ZNF37A: variants seen among roughly 807,000 people sequenced by gnomAD.
ZNF37A encodes zinc finger protein 37A, also known as zinc finger protein 37a (KOX 21).
Under a neutral mutation model 12.3 loss-of-function variants are expected in ZNF37A, and 10 were observed. The observed-to-expected ratio is 0.82, with a 90% CI of 0.50 to 1.38. The LOEUF is 1.38. ZNF37A is among the 40% of genes most tolerant of loss of function. The probability of loss-of-function intolerance (pLI) is 0.00; values close to 1 mark genes in which losing one functional copy is unlikely to be tolerated. For synonymous variants in ZNF37A, 207 were observed against 223.0 expected, an observed-to-expected ratio of 0.93 and a Z score of 0.64; for missense variants, 580 against 651.2, an observed-to-expected ratio of 0.89 and a Z score of 1.19.
At position 38,121,799 on chromosome 10, in the gene ZNF37A, G is replaced by A. The variant is rs2136055655; in HGVS notation, c.*2962G>A. 6.6e-6 allele frequency: 1 copy of A among 152,214 alleles called. No homozygotes were observed. Among genetic ancestry groups the A allele is most frequent in the South Asian group, 2.1e-4 (1 of 4,818 alleles). The allele number at this position is 152,214 out of a possible 1,614,324, so 9.4% of individuals were successfully genotyped here. On this transcript the variant is annotated 3_prime_UTR_variant, in exon 8 of 8. Coordinates refer to ENST00000685332, the MANE Select transcript of ZNF37A (RefSeq NM_001324250.3). Reference sequence around the variant, plus strand: ...TCTACTGAGAGGACCTAAACACAATGACACCTCAGTAACAGTAAGCACACC... The same window carrying A: ...TCTACTGAGAGGACCTAAACACAATAACACCTCAGTAACAGTAAGCACACC...
At chr10:38,115,386 G>A (rs1362325928) in intron 7 of ZNF37A, 96 bp downstream of exon 7, 2 of 1,488,078 alleles carry the variant, frequency 1.3e-6, no homozygotes, top group African/African-American at 2.8e-5. Context: ...TAGGAATCAT[G>A]TTTTAGAGGC....
intron 5 of ZNF37A, among the ~76,000 whole-genome samples, chr10:38,105,233 G>A (rs528850603): frequency 5.3e-5 from 8 of 152,008 alleles, no homozygotes; most frequent in Admixed American, 2.0e-4. Context: ...TCGAACTCCC[G>A]ACCTCAGGTG....
At chr10:38,127,322 T>A (rs959436992), downstream of ZNF37A, among the ~76,000 whole-genome samples, 4 of 152,228 alleles carry the variant, frequency 2.6e-5, no homozygotes, top group African/African-American at 9.6e-5. Context: ...GAATGTCTGC[T>A]CTTTTCATCT....
At chr10:38,113,183 A>G (rs1471998411) in intron 5 of ZNF37A, among the ~76,000 whole-genome samples, 2 of 148,494 alleles carry the variant, frequency 1.3e-5, no homozygotes, top group Non-Finnish European at 3.0e-5. Flanking sequence ...TTAATTTTGG[A>G]ATGCTCTTTT....
chr10:38,112,778 T>TCTTGGTCATGG (rs1554929923), intron 5 of ZNF37A, among the ~76,000 whole-genome samples: 1 of 63,792 alleles, frequency 1.6e-5, no homozygotes, highest in Non-Finnish European at 3.4e-5. Context: ...TTCTTTTCTT[T>TCTTGGTCATGG]TCTTTTCTTT....
At chr10:38,115,322 G>C (rs372736793) in intron 7 of ZNF37A, 32 bp downstream of exon 7, 333 of 1,604,990 alleles carry the variant, frequency 2.1e-4, no homozygotes, top group Non-Finnish European at 2.8e-4. Flanking sequence ...GGAATTTAAA[G>C]GAAGGTAGAT....
chr10:38,105,851 GTA>G (rs1446999453), intron 5 of ZNF37A, among the ~76,000 whole-genome samples: 4 of 152,058 alleles, frequency 2.6e-5, no homozygotes, highest in African/African-American at 9.7e-5. Context: ...TGTTGATTTT[GTA>G]CTCTGCAACT....
At position 38,095,543 on chromosome 10, in the gene ZNF37A, G is replaced by A. The variant is rs2067082421; in HGVS notation, c.-192G>A. On this transcript the variant is annotated 5_prime_UTR_variant, in exon 3 of 8. Transcript: ENST00000685332. Reference sequence around the variant, plus strand: ...TCGTTACTCGCTCGTTCTAGATGCTGAGCTGCTGGCGCACTGCAGCACAAC... The same window carrying A: ...TCGTTACTCGCTCGTTCTAGATGCTAAGCTGCTGGCGCACTGCAGCACAAC... 6.6e-6 allele frequency: 1 copy of A among 152,254 alleles called. No homozygotes were observed. Among genetic ancestry groups the A allele is most frequent in the African/African-American group, 2.4e-5 (1 of 41,462 alleles). The allele number at this position is 152,254 out of a possible 1,614,324, so 9.4% of individuals were successfully genotyped here.
chr10:38,124,084 G>A lies in ZNF37A; in HGVS notation c.*5247G>A, dbSNP rs2069864274. ...GCCAAGATTTGGAAGCAACCTAAGT[G>A]TCTAACAGCAGATGAATGGATAAAT... On this transcript the variant is annotated 3_prime_UTR_variant, in exon 8 of 8. Transcript: ENST00000685332. 2 of 152,312 alleles carry A rather than the reference G, an allele frequency of 1.3e-5. No homozygotes were observed. Among genetic ancestry groups the A allele is most frequent in the Admixed American group, 1.3e-4 (2 of 15,292 alleles). 9.4% of individuals were successfully genotyped at this position (152,312 alleles called of 1,614,324 possible).
In ZNF37A at chr10:38,118,506, C is replaced by A. The variant is rs535666058; in HGVS notation, c.1355C>A (p.Ser452Tyr). ...IQCGKFFCYY[S>Y]GFTEHLRRHT... ...TGTGGAAAATTTTTCTGCTACTACT[C>A]CGGTTTCACAGAACATCTGAGAAGA... The change falls in exon 8 of 8, where the codon TCC becomes TAC. Residue 452 changes from serine (S) to tyrosine (Y), a missense_variant. By Grantham distance (144) the Ser-to-Tyr change is moderately radical. Transcript: ENST00000685332. 7 of 1,614,058 alleles carry A rather than the reference C, an allele frequency of 4.3e-6. No homozygotes were observed. Among genetic ancestry groups the A allele is most frequent in the East Asian group, 2.2e-5 (1 of 44,854 alleles).
At chr10:38,104,438 A>G (rs930143435) in intron 5 of ZNF37A, among the ~76,000 whole-genome samples, 2 of 151,942 alleles carry the variant, frequency 1.3e-5, no homozygotes, top group African/African-American at 4.8e-5. Flanking sequence ...AGAATTCTGA[A>G]AAGCTTGATG....
intron 5 of ZNF37A, among the ~76,000 whole-genome samples, chr10:38,101,383 G>A (rs1056471366): frequency 2.0e-5 from 3 of 150,416 alleles, no homozygotes; most frequent in Non-Finnish European, 4.4e-5. Context: ...TTTTCATGTG[G>A]CTATCCAGTT....
intron 5 of ZNF37A, among the ~76,000 whole-genome samples, chr10:38,103,646 A>G (rs766338323): frequency 2.0e-5 from 3 of 152,196 alleles, no homozygotes; most frequent in South Asian, 2.1e-4. Flanking sequence ...TTTGAATATT[A>G]AAATGTGCTA....
exon 8 of ZNF37A, chr10:38,146,818 T>C (rs1366963962): frequency 7.5e-6 from 3 of 398,190 alleles, no homozygotes; most frequent in Non-Finnish European, 1.3e-5. Flanking sequence ...CGAGCGGCAC[T>C]AGAGGAATGA....
intron 5 of ZNF37A, among the ~76,000 whole-genome samples, chr10:38,100,798 G>A (rs2067500882): frequency 6.6e-6 from 1 of 152,162 alleles, no homozygotes; most frequent in South Asian, 2.1e-4. Flanking sequence ...GAAATCACAA[G>A]GGTATTGATT....
chr10:38,102,608 G>T (rs2067689993), intron 5 of ZNF37A, among the ~76,000 whole-genome samples: 1 of 152,248 alleles, frequency 6.6e-6, no homozygotes, highest in East Asian at 1.9e-4. Flanking sequence ...CAATAAGACT[G>T]GCTTTTGCAT....
chr10:38,103,148 G>A (rs868511359), intron 5 of ZNF37A, among the ~76,000 whole-genome samples: 2 of 151,860 alleles, frequency 1.3e-5, no homozygotes, highest in Non-Finnish European at 2.9e-5. Flanking sequence ...TCTCCTCTTC[G>A]TTAGTAACTC....
chr10:38,118,200 CA>C lies in ZNF37A; in HGVS notation c.1050del (p.Glu352ArgfsTer79), dbSNP rs1665126402. 31 of 1,614,042 alleles carry C rather than the reference CA, an allele frequency of 1.9e-5. No individual in the cohort carries two copies. Among genetic ancestry groups the C allele is most frequent in the Non-Finnish European group, 2.5e-5 (30 of 1,179,966 alleles). ...STLTQHQRTH[T>X]GEKPYECHEC... ...CTTACTCAACATCAAAGAACGCACA[CA>C]GGGGAGAAACCATATGAATGTCATG... is the stretch of plus-strand genomic sequence containing the variant. On this transcript the variant is annotated frameshift_variant, in exon 8 of 8. Coordinates refer to ENST00000685332, the MANE Select transcript of ZNF37A (RefSeq NM_001324250.3). LOFTEE classifies it low-confidence loss of function (END_TRUNC).
chr10:38,138,015 A>C (rs1324421709), intron 7 of ZNF37A: 1 of 152,176 alleles, frequency 6.6e-6, no homozygotes, highest in Non-Finnish European at 1.5e-5. Flanking sequence ...AATGTGTATG[A>C]CTCATTATAT....
Sources: gnomAD v4.1 joint callset for allele counts (sites outside exome capture counted in the v4.1 genomes callset) on GRCh38, gnomAD v4.1.1 for gene constraint, MANE v1.5 for transcripts, NCBI Gene and HGNC (gene_info 2026-07-23, HGNC 2026-07-21) for gene names.